The following PITPNC1 variants were observed in gnomAD, a reference collection of about 807,000 sequenced individuals.
PITPNC1 encodes phosphatidylinositol transfer protein cytoplasmic 1.
Under a neutral mutation model 44.7 loss-of-function variants are expected in PITPNC1, and 18 were observed. That is an observed-to-expected ratio of 0.40 (90% CI 0.28 to 0.60). The LOEUF (loss-of-function observed/expected upper bound fraction) is 0.60, where lower values mean the gene tolerates loss of function less well. Ranked by LOEUF, PITPNC1 falls within the 20% of genes least tolerant of loss-of-function variation. The probability of loss-of-function intolerance (pLI) is 0.39; values close to 1 mark genes in which losing one functional copy is unlikely to be tolerated. For missense variants in PITPNC1, 290 were observed against 418.4 expected (o/e 0.69, Z 2.68); for synonymous variants, 141 against 149.6 (o/e 0.94, Z 0.42).
intron 2 of PITPNC1, among the ~76,000 whole-genome samples, chr17:67,541,097 C>CGGGAGG (rs2040600125): frequency 1.3e-5 from 2 of 152,286 alleles, no homozygotes; most frequent in African/African-American, 4.8e-5. Flanking sequence ...CGCCTGTAAT[C>CGGGAGG]CCAGCTACTC....
chr17:67,397,458 C>T (rs2038237268), intron 1 of PITPNC1, among the ~76,000 whole-genome samples: 1 of 152,110 alleles, frequency 6.6e-6, no homozygotes, highest in East Asian at 1.9e-4. Context: ...AAGGAACTGC[C>T]CTGAGGGTCT....
chr17:67,448,941 A>G (rs1483004986), intron 1 of PITPNC1, among the ~76,000 whole-genome samples: 2 of 152,036 alleles, frequency 1.3e-5, no homozygotes, highest in Non-Finnish European at 2.9e-5. Flanking sequence ...TAATTTTTGT[A>G]TTTTTAATAG....
chr17:67,597,687 C>T lies in PITPNC1; in HGVS notation c.366+19430C>T, dbSNP rs1036298090. On this transcript the variant is annotated intron_variant, in intron 5 of 8. Transcript: ENST00000581322. This position sits in a 1 kb window ranked among gnomAD's most constrained non-coding sequence, Gnocchi z 4.0. The stretch of plus-strand genomic sequence containing the variant: ...TGCTTTTAATGGTGCCTTAATTCAT[C>T]GTACAAGAAACATTTGTTAAACATC... Among the ~76,000 whole-genome samples the T allele has an allele frequency of 7.9e-5, 12 of 152,170 alleles. No individual in the cohort carries two copies. The highest frequency in any genetic ancestry group is 2.2e-4 in the African/African-American group (9 of 41,436).
At chr17:67,382,889 G>C (rs1009473222) in intron 1 of PITPNC1, among the ~76,000 whole-genome samples, 2 of 151,542 alleles carry the variant, frequency 1.3e-5, no homozygotes, top group African/African-American at 2.4e-5. Flanking sequence ...GGCTCCCAAA[G>C]TGCTGGGATT....
At chr17:67,498,742 C>T (rs547661792) in intron 1 of PITPNC1, among the ~76,000 whole-genome samples, 33 of 151,902 alleles carry the variant, frequency 2.2e-4, no homozygotes, top group African/African-American at 7.2e-4. Flanking sequence ...GCCTTCCTAA[C>T]GAGTGTGAGG....
rs2042959738 is a variant in PITPNC1 at position 67,693,160 on chromosome 17, G to C, written c.*272G>C. On this transcript the variant is annotated 3_prime_UTR_variant, in exon 9 of 9. Coordinates refer to ENST00000581322, the MANE Select transcript of PITPNC1 (RefSeq NM_012417.4). Reference sequence around the variant, plus strand: ...ATGCCAGAGAGGAAGCCTTGTTATTGGGCATTTGATGAGGTTTGGCATGGA... The same window carrying C: ...ATGCCAGAGAGGAAGCCTTGTTATTCGGCATTTGATGAGGTTTGGCATGGA... The C allele has an allele frequency of 2.8e-6, 1 of 355,872 alleles. No homozygotes were observed. The highest frequency in any genetic ancestry group is 5.0e-6 in the Non-Finnish European group (1 of 200,218). 22.0% of individuals were successfully genotyped at this position (355,872 alleles called of 1,614,324 possible). A position where few individuals can be genotyped will look rare whatever the true frequency, so the allele number is the denominator to read the frequency against.
At chr17:67,487,692 T>C (rs1253433202) in intron 1 of PITPNC1, among the ~76,000 whole-genome samples, 1 of 152,140 alleles carries the variant, frequency 6.6e-6, no homozygotes, top group Non-Finnish European at 1.5e-5. Flanking sequence ...TGCCAAACTT[T>C]GGGCTTCATG....
intron 4 of PITPNC1, among the ~76,000 whole-genome samples, chr17:67,573,983 CTT>C (rs1235308670): frequency 6.6e-6 from 1 of 152,144 alleles, no homozygotes; most frequent in African/African-American, 2.4e-5. Context: ...GACTGTGTCT[CTT>C]TTCATTATAT....
chr17:67,532,049 T>C (rs1598788076), intron 1 of PITPNC1, among the ~76,000 whole-genome samples: 2 of 152,178 alleles, frequency 1.3e-5, no homozygotes, highest in East Asian at 1.9e-4. Context: ...AATGTTCATA[T>C]AGTATGTTGC....
chr17:67,419,138 G>A (rs1478461631), intron 1 of PITPNC1, among the ~76,000 whole-genome samples: 1 of 150,624 alleles, frequency 6.6e-6, no homozygotes, highest in African/African-American at 2.5e-5. Flanking sequence ...TCAACTATAA[G>A]TAAAAGCATG....
At chr17:67,454,468 T>A (rs8079705) in intron 1 of PITPNC1, among the ~76,000 whole-genome samples, 6,215 of 152,262 alleles carry the variant, frequency 0.041, 419 homozygotes, top group African/African-American at 0.14. Flanking sequence ...CATATTATAC[T>A]TTTTATTCTT....
chr17:67,541,897 C>T (rs1161235513), intron 2 of PITPNC1, among the ~76,000 whole-genome samples: 1 of 152,188 alleles, frequency 6.6e-6, no homozygotes, highest in Non-Finnish European at 1.5e-5. Flanking sequence ...AAGAAATTTC[C>T]AAGCACACAA....
intron 8 of PITPNC1, among the ~76,000 whole-genome samples, chr17:67,682,432 C>T (rs767684821): frequency 3.0e-4 from 46 of 152,064 alleles, no homozygotes; most frequent in Admixed American, 1.6e-3. Flanking sequence ...CAGAGGAGAA[C>T]GTTCTACTCA....
chr17:67,627,119 G>A (rs930399964), intron 5 of PITPNC1, among the ~76,000 whole-genome samples: 4 of 152,176 alleles, frequency 2.6e-5, no homozygotes, highest in African/African-American at 7.2e-5. Flanking sequence ...CGGGCGTGGT[G>A]ACAGGCGCCT....
intron 8 of PITPNC1, among the ~76,000 whole-genome samples, chr17:67,685,246 G>C (rs1207317405): frequency 6.6e-6 from 1 of 152,248 alleles, no homozygotes; most frequent in African/African-American, 2.4e-5. Flanking sequence ...TAAAAGAAGA[G>C]CATGCTCCTT....
intron 6 of PITPNC1, among the ~76,000 whole-genome samples, chr17:67,648,117 G>A (rs1243210084): frequency 1.3e-5 from 2 of 152,158 alleles, no homozygotes; most frequent in African/African-American, 4.8e-5. Flanking sequence ...CGACAAGTTG[G>A]AGGCCTAAAT....
At position 67,590,879 on chromosome 17, in the gene PITPNC1, G is replaced by A. The variant is rs188196076; in HGVS notation, c.366+12622G>A. Among the ~76,000 whole-genome samples, 339 of 152,060 alleles carry A rather than the reference G, an allele frequency of 2.2e-3. 2 individuals are homozygous for A. Among genetic ancestry groups the A allele is most frequent in the Non-Finnish European group, 4.1e-3 (278 of 67,988 alleles). ...GAGGCAGGAGAATCACTTGAACCTG[G>A]GAGATGGAGGTTGCACTGAGCCAAG... On this transcript the variant is annotated intron_variant, in intron 5 of 8. Transcript: ENST00000581322.
At chr17:67,407,920 C>T (rs958447752) in intron 1 of PITPNC1, among the ~76,000 whole-genome samples, 3 of 152,144 alleles carry the variant, frequency 2.0e-5, no homozygotes, top group Non-Finnish European at 2.9e-5. Flanking sequence ...AAAACCCAAT[C>T]GCTGTGCTTG....
chr17:67,631,671 T>TATATAAAA (rs1272988970), intron 5 of PITPNC1, among the ~76,000 whole-genome samples: 1 of 69,666 alleles, frequency 1.4e-5, no homozygotes, highest in Non-Finnish European at 3.1e-5. Flanking sequence ...TATATATATA[T>TATATAAAA]AAAATATATA....
Sources: gnomAD v4.1 joint callset for allele counts (sites outside exome capture counted in the v4.1 genomes callset) on GRCh38, gnomAD v4.1.1 for gene constraint, Gnocchi (gnomAD v3.1) non-coding constraint, MANE v1.5 for transcripts, NCBI Gene and HGNC (gene_info 2026-07-23, HGNC 2026-07-21) for gene names.